Variants in GRID2 observed in about 807,000 individuals in gnomAD.
The protein encoded by GRID2 is glutamate receptor ionotropic, delta-2.
In GRID2, 33 loss-of-function variants were observed where a neutral mutation model predicts 114.8. The observed-to-expected ratio is 0.29, with a 90% CI of 0.22 to 0.38. The LOEUF (loss-of-function observed/expected upper bound fraction) is 0.38, where lower values mean the gene tolerates loss of function less well. Among genes scored for constraint, GRID2 ranks in the 10% least tolerant of loss-of-function variants. The pLI is 1.00. For missense variants in GRID2, 1,184 were observed against 1,257.7 expected, an observed-to-expected ratio of 0.94 and a Z score of 0.89; for synonymous variants, 505 against 449.9, an observed-to-expected ratio of 1.12 and a Z score of -1.55.
chr4:93,799,959 G>A (rs1196690308), intron 1 of GRID2, among the ~76,000 whole-genome samples: 1 of 152,104 alleles, frequency 6.6e-6, no homozygotes, highest in African/African-American at 2.4e-5. Context: ...AACATCGCTA[G>A]GTCTAGAATG....
intron 2 of GRID2, among the ~76,000 whole-genome samples, chr4:93,001,940 C>G (rs961020989): frequency 2.0e-5 from 3 of 150,762 alleles, no homozygotes; most frequent in Admixed American, 1.3e-4. Context: ...TAGGCCAATT[C>G]TACATTTTTC....
intron 2 of GRID2, among the ~76,000 whole-genome samples, chr4:92,656,041 T>C (rs1732215027): frequency 6.6e-6 from 1 of 151,766 alleles, no homozygotes. Flanking sequence ...ATGTGGTCCT[T>C]CTATGCCGAG....
chr4:92,553,756 T>G (rs936819517), intron 1 of GRID2, among the ~76,000 whole-genome samples: 2 of 152,106 alleles, frequency 1.3e-5, no homozygotes, highest in Non-Finnish European at 2.9e-5. Context: ...GTTCAAGCAA[T>G]TCTCCTGCCT....
intron 10 of GRID2, among the ~76,000 whole-genome samples, chr4:93,453,107 C>A (rs1722851758): frequency 6.8e-6 from 1 of 146,268 alleles, no homozygotes; most frequent in South Asian, 2.2e-4. Context: ...TCTCATTGTT[C>A]AATTCCCACC....
At chr4:93,547,607 A>G (rs1191113776) in intron 13 of GRID2, among the ~76,000 whole-genome samples, 1 of 152,196 alleles carries the variant, frequency 6.6e-6, no homozygotes, top group Non-Finnish European at 1.5e-5. Context: ...GTTACATTTC[A>G]TAGTATTCAC....
intron 10 of GRID2, among the ~76,000 whole-genome samples, chr4:93,445,771 G>A (rs1278429201): frequency 6.6e-6 from 1 of 151,890 alleles, no homozygotes; most frequent in Non-Finnish European, 1.5e-5. Flanking sequence ...ACTGAGCTTG[G>A]AAGATATTTT....
chr4:93,240,390 C>A (rs1003165514), intron 8 of GRID2, among the ~76,000 whole-genome samples: 1 of 151,360 alleles, frequency 6.6e-6, no homozygotes, highest in African/African-American at 2.4e-5. Flanking sequence ...ACAGTCTGCA[C>A]CTTTTCCTAC....
In GRID2 at chr4:93,803,520, G is replaced by A. The variant is rs544871127; in HGVS notation, c.222-3195G>A. ...GGGCGGATCACAAGGTCAGGAGTTC[G>A]AGACCAACCTGGCCAACATAGTGAA... On this transcript the variant is annotated intron_variant, in intron 1 of 1. Transcript: ENST00000637838. Among the ~76,000 whole-genome samples the A allele has an allele frequency of 2.6e-5, 4 of 152,090 alleles. No homozygotes were observed. The East Asian group carries it at 5.8e-4, about 22-fold the overall frequency.
At chr4:92,524,955 A>G (rs1724973382) in intron 1 of GRID2, among the ~76,000 whole-genome samples, 1 of 152,086 alleles carries the variant, frequency 6.6e-6, no homozygotes. Context: ...TGGTTTTAGC[A>G]TGGATTCAGG....
Position 92,868,002 on chromosome 4 carries a change from AT to A in GRID2, c.245-216992del, listed in dbSNP as rs565636700. Reference sequence around the variant, plus strand: ...AGATTTTGGTGTAGGTGATAGGCAAATGATACTGAAAGGTTTTCTTTCTTTC... The same window carrying A: ...AGATTTTGGTGTAGGTGATAGGCAAAGATACTGAAAGGTTTTCTTTCTTTC... On this transcript the variant is annotated intron_variant, in intron 2 of 15. Coordinates refer to ENST00000282020, the MANE Select transcript of GRID2 (RefSeq NM_001510.4). Among the ~76,000 whole-genome samples, 18 of 151,816 alleles carry A rather than the reference AT, an allele frequency of 1.2e-4. No homozygotes were observed. The South Asian group carries it at 3.7e-3, about 32-fold the overall frequency.
intron 1 of GRID2, among the ~76,000 whole-genome samples, chr4:92,539,993 G>A (rs999873533): frequency 1.4e-4 from 21 of 152,062 alleles, no homozygotes; most frequent in East Asian, 1.9e-4. Context: ...ATAATGCTAC[G>A]TATCTACAAC....
chr4:93,330,553 C>T (rs984063643), intron 8 of GRID2, among the ~76,000 whole-genome samples: 5 of 151,754 alleles, frequency 3.3e-5, no homozygotes, highest in Non-Finnish European at 7.4e-5. Flanking sequence ...AAAGTAATGC[C>T]AGCTTATTAT....
chr4:92,345,816 A>G (rs988939284), intron 1 of GRID2, among the ~76,000 whole-genome samples: 5 of 152,202 alleles, frequency 3.3e-5, no homozygotes, highest in African/African-American at 4.8e-5. Flanking sequence ...ATTAAAACAC[A>G]AAAGTTCTTG....
At position 92,432,886 on chromosome 4, in the gene GRID2, C is replaced by T. The variant is rs535318119; in HGVS notation, c.88+128142C>T. Among the ~76,000 whole-genome samples the T allele has an allele frequency of 3.2e-3, 485 of 152,250 alleles. 4 individuals are homozygous for T. The highest frequency in any genetic ancestry group is 0.011 in the African/African-American group (448 of 41,542). On this transcript the variant is annotated intron_variant, in intron 1 of 15. Coordinates refer to ENST00000282020, the MANE Select transcript of GRID2 (RefSeq NM_001510.4). The stretch of plus-strand genomic sequence containing the variant: ...TGAAGCCAGCAGGGTACTAGGTCTC[C>T]CCCAAGGCCTGCAATGAGTATTGCC...
At chr4:93,486,844 T>A in intron 11 of GRID2, among the ~76,000 whole-genome samples, 1 of 151,814 alleles carries the variant, frequency 6.6e-6, no homozygotes, top group East Asian at 1.9e-4. Context: ...GCTTTCTTTA[T>A]AAAATGGATT....
At chr4:92,480,710 T>G (rs1392774504) in intron 1 of GRID2, among the ~76,000 whole-genome samples, 1 of 152,166 alleles carries the variant, frequency 6.6e-6, no homozygotes, top group Middle Eastern at 3.2e-3. Context: ...TAACCTTAAT[T>G]GCATCTGCAA....
intron 8 of GRID2, among the ~76,000 whole-genome samples, chr4:93,277,165 G>A (rs1752145239): frequency 6.6e-6 from 1 of 151,690 alleles, no homozygotes; most frequent in Non-Finnish European, 1.5e-5. Context: ...TTTATGCTTA[G>A]AAAGAAACTT....
intron 1 of GRID2, among the ~76,000 whole-genome samples, chr4:92,433,609 G>T (rs1383821787): frequency 6.6e-6 from 1 of 152,124 alleles, no homozygotes; most frequent in Non-Finnish European, 1.5e-5. Flanking sequence ...AGTTGGGGAG[G>T]GGTGGCATTA....
At chr4:93,068,145 AT>A (rs1041663784) in intron 2 of GRID2, among the ~76,000 whole-genome samples, 1 of 152,090 alleles carries the variant, frequency 6.6e-6, no homozygotes, top group Non-Finnish European at 1.5e-5. Flanking sequence ...ATTCAAATGC[AT>A]TTTATGCTAA....
Sources: gnomAD v4.1 joint callset for allele counts (sites outside exome capture counted in the v4.1 genomes callset) on GRCh38, gnomAD v4.1.1 for gene constraint, MANE v1.5 for transcripts, NCBI Gene and HGNC (gene_info 2026-07-23, HGNC 2026-07-21) for gene names.